The following OLA1 variants were observed in gnomAD, a reference collection of about 807,000 sequenced individuals.
OLA1 encodes the protein Obg like ATPase 1, also known as obg-like ATPase 1.
OLA1 carries 14 observed loss-of-function variants against 48.4 expected under a neutral mutation model. That is an observed-to-expected ratio of 0.29 (90% CI 0.19 to 0.45). OLA1 has a LOEUF of 0.45. OLA1 is among the 20% of genes least tolerant of loss of function. The probability of loss-of-function intolerance (pLI) is 1.00; values close to 1 mark genes in which losing one functional copy is unlikely to be tolerated. For missense variants in OLA1, 325 were observed against 467.1 expected, an observed-to-expected ratio of 0.70 and a Z score of 2.80; for synonymous variants, 127 against 150.4, an observed-to-expected ratio of 0.84 and a Z score of 1.14.
intron 4 of OLA1, among the ~76,000 whole-genome samples, chr2:174,196,449 G>GGA: frequency 6.6e-6 from 1 of 152,222 alleles, no homozygotes; most frequent in East Asian, 1.9e-4. Flanking sequence ...CCAAAATAAG[G>GGA]GAGAGATTTT....
intron 4 of OLA1, among the ~76,000 whole-genome samples, chr2:174,149,826 G>A (rs1686703309): frequency 6.6e-6 from 1 of 151,732 alleles, no homozygotes; most frequent in Non-Finnish European, 1.5e-5. Flanking sequence ...GAGTAAAAAG[G>A]ATAAATCTAC....
chr2:174,170,181 C>T (rs57326283), intron 4 of OLA1, among the ~76,000 whole-genome samples: 12 of 151,906 alleles, frequency 7.9e-5, no homozygotes, highest in Admixed American at 4.6e-4. Context: ...TGCAGTGAGC[C>T]GAGATCGCGC....
intron 2 of OLA1, among the ~76,000 whole-genome samples, chr2:174,244,485 G>A (rs1248898498): frequency 6.6e-6 from 1 of 151,966 alleles, no homozygotes; most frequent in Non-Finnish European, 1.5e-5. Context: ...TAGCTGCAGG[G>A]GATTGGTTCT....
At chr2:174,169,631 T>G (rs1558987559) in intron 4 of OLA1, among the ~76,000 whole-genome samples, 1 of 152,168 alleles carries the variant, frequency 6.6e-6, no homozygotes, top group Non-Finnish European at 1.5e-5. Flanking sequence ...CTAAGAGAAT[T>G]TATTGCCAAC....
chr2:174,128,366 C>G (rs1056148253), intron 5 of OLA1, among the ~76,000 whole-genome samples: 1 of 151,754 alleles, frequency 6.6e-6, no homozygotes, highest in Non-Finnish European at 1.5e-5. Flanking sequence ...ACGCCATGCA[C>G]TCCAGCCTGG....
chr2:174,223,139 A>C lies in OLA1; in HGVS notation c.267T>G (p.Asn89Lys). The change falls in exon 4 of 11, where the codon AAT (asparagine) becomes AAG (lysine). Residue 89 changes from asparagine (N) to lysine (K), a missense_variant. By Grantham distance (94) the Asn-to-Lys change is moderately conservative (BLOSUM62 0). Coordinates refer to ENST00000284719, the MANE Select transcript of OLA1 (RefSeq NM_013341.5). ...TCACAAGGCCAGCAATATCCACCAC[A>C]TTTAGAAAGGCAGGAATTTTGCTGA... is the stretch of plus-strand genomic sequence containing the variant. ...KPASKIPAFL[N>K]VVDIAGLVKG... 6.2e-7 allele frequency: 1 copy of C among 1,613,948 alleles called. No individual in the cohort carries two copies. Among genetic ancestry groups the C allele is most frequent in the Non-Finnish European group, 8.5e-7 (1 of 1,179,856 alleles).
At chr2:174,104,906 T>C (rs545601357) in intron 7 of OLA1, among the ~76,000 whole-genome samples, 1 of 152,110 alleles carries the variant, frequency 6.6e-6, no homozygotes, top group South Asian at 2.1e-4. Context: ...GTGTCTCTAA[T>C]AGAAAGATTC....
intron 7 of OLA1, among the ~76,000 whole-genome samples, chr2:174,117,387 T>A (rs541847177): frequency 6.6e-6 from 1 of 152,188 alleles, no homozygotes; most frequent in African/African-American, 2.4e-5. Flanking sequence ...ATAAAGACCA[T>A]AGCACTTGTA....
At chr2:174,195,722 G>A (rs558379726) in intron 4 of OLA1, among the ~76,000 whole-genome samples, 8 of 152,224 alleles carry the variant, frequency 5.3e-5, no homozygotes, top group South Asian at 2.1e-4. Context: ...ATATTGCAGA[G>A]GCATACCACT....
chr2:174,221,946 A>G (rs918345958), intron 4 of OLA1, among the ~76,000 whole-genome samples: 4 of 152,150 alleles, frequency 2.6e-5, no homozygotes, highest in African/African-American at 7.2e-5. Context: ...TCATTCTTTT[A>G]TCTAGACTTC....
chr2:174,241,899 G>A (rs554292362), intron 2 of OLA1, among the ~76,000 whole-genome samples: 3 of 152,232 alleles, frequency 2.0e-5, no homozygotes, highest in African/African-American at 7.2e-5. Flanking sequence ...GCCTCCCAAA[G>A]TGCTGGGATT....
intron 7 of OLA1, among the ~76,000 whole-genome samples, chr2:174,108,809 T>C (rs1251934847): frequency 1.3e-5 from 2 of 152,202 alleles, no homozygotes; most frequent in African/African-American, 4.8e-5. Flanking sequence ...CAAGGACATA[T>C]GTAACATCAG....
intron 7 of OLA1, among the ~76,000 whole-genome samples, chr2:174,118,992 C>T (rs891203002): frequency 1.7e-4 from 25 of 150,798 alleles, no homozygotes; most frequent in African/African-American, 5.1e-4. Context: ...ATGAAATTGT[C>T]GAAAGAATAT....
intron 7 of OLA1, among the ~76,000 whole-genome samples, chr2:174,088,223 G>A (rs1176961146): frequency 6.6e-6 from 1 of 152,168 alleles, no homozygotes; most frequent in Non-Finnish European, 1.5e-5. Context: ...TCCATGGTAT[G>A]GATGTACCAT....
chr2:174,182,990 C>T (rs1452061286), intron 4 of OLA1, among the ~76,000 whole-genome samples: 1 of 152,156 alleles, frequency 6.6e-6, no homozygotes, highest in African/African-American at 2.4e-5. Flanking sequence ...TGTACTGCCT[C>T]AGCTAATAAA....
chr2:174,126,674 T>A (rs1686051733), intron 5 of OLA1, among the ~76,000 whole-genome samples: 2 of 152,184 alleles, frequency 1.3e-5, no homozygotes, highest in South Asian at 4.1e-4. Flanking sequence ...CTAGGGAGTG[T>A]TGTGAAGATT....
At chr2:174,200,186 C>G (rs2105431374) in intron 4 of OLA1, among the ~76,000 whole-genome samples, 1 of 151,900 alleles carries the variant, frequency 6.6e-6, no homozygotes, top group South Asian at 2.1e-4. Context: ...TGACATTTAC[C>G]TACAAAAGCA....
At chr2:174,212,012 C>A (rs1037427652) in intron 4 of OLA1, among the ~76,000 whole-genome samples, 2 of 152,080 alleles carry the variant, frequency 1.3e-5, no homozygotes, top group Admixed American at 6.6e-5. Flanking sequence ...GCAAACAGTG[C>A]TGTTTTTAGA....
In OLA1 at chr2:174,225,020, T is replaced by C. The variant is rs542302763; in HGVS notation, c.246-1860A>G. Among the ~76,000 whole-genome samples, 10 of 152,316 alleles carry C rather than the reference T, an allele frequency of 6.6e-5. No individual in the cohort carries two copies. In the East Asian group the frequency reaches 1.7e-3, roughly 26 times the overall value. On this transcript the variant is annotated intron_variant, in intron 3 of 10. Transcript: ENST00000284719. ...GATGTTCTGTCACCTCCAAAACTTATGTTGAAATGTGATGCGTAATGGTGG... is the reference window on the plus strand; with the variant it reads ...GATGTTCTGTCACCTCCAAAACTTACGTTGAAATGTGATGCGTAATGGTGG...
Sources: allele counts gnomAD v4.1 joint callset (sites outside exome capture counted in the v4.1 genomes callset), GRCh38; gene constraint gnomAD v4.1.1; transcripts MANE v1.5; gene names NCBI Gene and HGNC (gene_info 2026-07-23, HGNC 2026-07-21).